Variants in SLC35G2 observed in about 807,000 individuals in gnomAD.
The protein encoded by SLC35G2 is solute carrier family 35 member G2.
Under a neutral mutation model 27.2 loss-of-function variants are expected in SLC35G2, and 20 were observed. That is an observed-to-expected ratio of 0.74 (90% CI 0.52 to 1.07). The LOEUF (loss-of-function observed/expected upper bound fraction) is 1.07. Among genes scored for constraint, SLC35G2 ranks in the 50% least tolerant of loss-of-function variants. The pLI, the probability that SLC35G2 is intolerant of heterozygous loss-of-function variation, is 0.00. For missense variants in SLC35G2, 416 were observed against 493.3 expected, an observed-to-expected ratio of 0.84 and a Z score of 1.48; for synonymous variants, 148 against 165.3, an observed-to-expected ratio of 0.90 and a Z score of 0.80.
intron 1 of SLC35G2, among the ~76,000 whole-genome samples, chr3:136,823,021 C>G (rs1484298249): frequency 6.6e-6 from 1 of 152,178 alleles, no homozygotes; most frequent in African/African-American, 2.4e-5. Context: ...AATTAATAAT[C>G]TCACCAACAA....
intron 1 of SLC35G2, among the ~76,000 whole-genome samples, chr3:136,837,132 T>TAC (rs1451156100): frequency 6.6e-6 from 1 of 150,638 alleles, no homozygotes; most frequent in Admixed American, 6.6e-5. Flanking sequence ...AGTATGTATC[T>TAC]ACACACACAC....
chr3:136,835,186 AT>A (rs1936831955), intron 1 of SLC35G2, among the ~76,000 whole-genome samples: 2 of 152,228 alleles, frequency 1.3e-5, no homozygotes, highest in Non-Finnish European at 2.9e-5. Context: ...TTGGTCTAGA[AT>A]CAAAGTCAGG....
At chr3:136,837,563 A>G (rs1936909167) in intron 1 of SLC35G2, 1 of 152,212 alleles carries the variant, frequency 6.6e-6, no homozygotes, top group Non-Finnish European at 1.5e-5. Context: ...CAGCAATATG[A>G]CATGAGGGTT....
At chr3:136,853,257 G>A (rs188849323) in intron 1 of SLC35G2, among the ~76,000 whole-genome samples, 8 of 151,832 alleles carry the variant, frequency 5.3e-5, no homozygotes, top group Non-Finnish European at 1.2e-4. Context: ...CACCAGGCCC[G>A]GCTAAATTTA....
chr3:136,824,180 T>A (rs1184274729), intron 1 of SLC35G2, among the ~76,000 whole-genome samples: 2 of 152,186 alleles, frequency 1.3e-5, no homozygotes, highest in Non-Finnish European at 2.9e-5. Context: ...GTTCTTTTTG[T>A]TCAGGATAAC....
At chr3:136,847,917 C>T (rs1254884707) in intron 1 of SLC35G2, among the ~76,000 whole-genome samples, 1 of 151,590 alleles carries the variant, frequency 6.6e-6, no homozygotes, top group Non-Finnish European at 1.5e-5. Flanking sequence ...GCAGAGGTTG[C>T]AGTGAGCCGG....
chr3:136,822,614 G>C (rs150876005), intron 1 of SLC35G2, among the ~76,000 whole-genome samples: 2 of 152,062 alleles, frequency 1.3e-5, no homozygotes, highest in African/African-American at 4.8e-5. Flanking sequence ...TGCGCCCAGC[G>C]TACTCTCTAT....
intron 1 of SLC35G2, among the ~76,000 whole-genome samples, chr3:136,822,533 T>A (rs775005065): frequency 2.0e-5 from 3 of 152,236 alleles, no homozygotes; most frequent in Non-Finnish European, 4.4e-5. Context: ...CAAGCTGGTC[T>A]CGAACTCCTG....
intron 1 of SLC35G2, among the ~76,000 whole-genome samples, chr3:136,848,569 A>G (rs1325558558): frequency 6.6e-6 from 1 of 152,150 alleles, no homozygotes. Context: ...TGACAAAGTG[A>G]ATCTGGGGTG....
At chr3:136,847,208 A>T (rs1001306420) in intron 1 of SLC35G2, among the ~76,000 whole-genome samples, 1 of 151,830 alleles carries the variant, frequency 6.6e-6, no homozygotes, top group African/African-American at 2.4e-5. Context: ...TAAATAAATA[A>T]ATAAAATTTC....
At chr3:136,835,312 T>C (rs1936836408) in intron 1 of SLC35G2, among the ~76,000 whole-genome samples, 3 of 150,098 alleles carry the variant, frequency 2.0e-5, no homozygotes, top group African/African-American at 7.3e-5. Flanking sequence ...TTTTTCTTTT[T>C]TTTTTTTTTT....
At chr3:136,844,817 A>G (rs1244330396) in intron 1 of SLC35G2, among the ~76,000 whole-genome samples, 2 of 151,152 alleles carry the variant, frequency 1.3e-5, no homozygotes, top group African/African-American at 2.4e-5. Context: ...AAAAAAAAAA[A>G]AAAAAGAAAA....
intron 1 of SLC35G2, among the ~76,000 whole-genome samples, chr3:136,830,971 C>A (rs1299028112): frequency 6.6e-6 from 1 of 152,204 alleles, no homozygotes; most frequent in East Asian, 1.9e-4. Context: ...GCATAAAAAT[C>A]ACTTGCTTTG....
At position 136,854,844 on chromosome 3, in the gene SLC35G2, G is replaced by C; in HGVS notation, c.384G>C (p.Arg128=). ...TTATCACTAGGCTTGTTTCTGATCG[G>C]TCTAAAGTTCCATCTCTAGAACTGA... ...VALITRLVSD[R]SKVPSLELIF... The change falls in exon 2 of 2, where the codon CGG becomes CGC. Residue 128 remains arginine, a synonymous_variant. Coordinates refer to ENST00000446465, the MANE Select transcript of SLC35G2 (RefSeq NM_025246.3). 1.9e-6 allele frequency: 3 copies of C among 1,614,126 alleles called. No individual in the cohort carries two copies. The highest frequency in any genetic ancestry group is 2.5e-6 in the Non-Finnish European group (3 of 1,180,026).
In SLC35G2 at chr3:136,855,414, G is replaced by C. The variant is rs1937958583; in HGVS notation, c.954G>C (p.Trp318Cys). The change falls in exon 2 of 2, where the codon TGG becomes TGC. Residue 318 changes from tryptophan to cysteine, a missense_variant. Physicochemically the swap from Trp to Cys is radical, Grantham distance 215. Transcript: ENST00000446465. ...TCATCCCATTAGATGGAGAAACCTG[G>C]AGTTATCTCATTGCTATATGTGTCT... Reference protein sequence around the residue: ...EPIIPLDGETWSYLIAICVCS... With the variant: ...EPIIPLDGETCSYLIAICVCS... 1.9e-6 allele frequency: 3 copies of C among 1,614,126 alleles called. No homozygotes were observed. In the African/African-American group the frequency reaches 4.0e-5, roughly 22 times the overall value.
chr3:136,848,640 A>G (rs1937503440), intron 1 of SLC35G2, among the ~76,000 whole-genome samples: 1 of 152,220 alleles, frequency 6.6e-6, no homozygotes, highest in South Asian at 2.1e-4. Flanking sequence ...CAACATGGAT[A>G]GAGCTAGAGG....
intron 1 of SLC35G2, among the ~76,000 whole-genome samples, chr3:136,822,947 G>A (rs1234937990): frequency 1.3e-5 from 2 of 152,280 alleles, no homozygotes; most frequent in East Asian, 3.9e-4. Flanking sequence ...TTGCTGGATT[G>A]TATGGTAGCT....
intron 1 of SLC35G2, among the ~76,000 whole-genome samples, chr3:136,831,616 A>G (rs552587003): frequency 6.6e-6 from 1 of 152,342 alleles, no homozygotes; most frequent in South Asian, 2.1e-4. Flanking sequence ...GTAGGTCACC[A>G]GGAAAGTTGA....
At chr3:136,820,011 G>A (rs1166933350) in intron 1 of SLC35G2, 1 of 152,346 alleles carries the variant, frequency 6.6e-6, no homozygotes, top group African/African-American at 2.4e-5. Flanking sequence ...TTGAGAGGAG[G>A]AGAGGGAAGA....
Sources: gnomAD v4.1 joint callset for allele counts (sites outside exome capture counted in the v4.1 genomes callset) on GRCh38, gnomAD v4.1.1 for gene constraint, MANE v1.5 for transcripts, NCBI Gene and HGNC (gene_info 2026-07-23, HGNC 2026-07-21) for gene names.